Variants in ARHGAP21 observed in about 807,000 individuals in gnomAD.
ARHGAP21 encodes Rho GTPase activating protein 21.
ARHGAP21 carries 38 observed loss-of-function variants against 164.6 expected under a neutral mutation model. That is an observed-to-expected ratio of 0.23 (90% CI 0.18 to 0.30). The LOEUF (loss-of-function observed/expected upper bound fraction) is 0.30. Among genes scored for constraint, ARHGAP21 ranks in the 10% least tolerant of loss-of-function variants. ARHGAP21 has a pLI of 1.00. For missense variants in ARHGAP21, 1,822 were observed against 2,370.7 expected, an observed-to-expected ratio of 0.77 and a Z score of 4.81; for synonymous variants, 766 against 857.9, an observed-to-expected ratio of 0.89 and a Z score of 1.87.
chr10:24,697,967 A>T (rs1843326770), intron 2 of ARHGAP21, among the ~76,000 whole-genome samples: 1 of 152,212 alleles, frequency 6.6e-6, no homozygotes, highest in Non-Finnish European at 1.5e-5. Context: ...TTGGGGGGGA[A>T]ATTCTAAGGC....
chr10:24,633,331 T>C lies in ARHGAP21; in HGVS notation c.440+71A>G, dbSNP rs1251516529. ...CACAATTCCTTGTAAGAATAGAAGA[T>C]TGTATTAAATCTATGTGCTCTATTG... is the stretch of plus-strand genomic sequence containing the variant. On this transcript the variant is annotated intron_variant, in intron 6 of 25. Transcript: ENST00000396432. 37 of 1,060,870 alleles carry C rather than the reference T, an allele frequency of 3.5e-5. No homozygotes were observed. In the East Asian group the frequency reaches 4.2e-4, roughly 12 times the overall value. 65.7% of individuals were successfully genotyped at this position (1,060,870 alleles called of 1,614,324 possible). A position where few individuals can be genotyped will look rare whatever the true frequency, so the allele number is the denominator to read the frequency against.
In ARHGAP21 at chr10:24,619,485, T is replaced by A; in HGVS notation, c.2410A>T (p.Ile804Phe). The A allele has an allele frequency of 6.2e-7, 1 of 1,613,898 alleles. No individual in the cohort carries two copies. The highest frequency in any genetic ancestry group is 8.5e-7 in the Non-Finnish European group (1 of 1,179,922). ...TSPPGDSLAS[I>F]PFIDEPTSPS... ...TAAATGAGCTCACCTATAAATGGGATGGAAGCCAAAGAATCGCCAGGCGGA... is the reference window on the plus strand; with the variant it reads ...TAAATGAGCTCACCTATAAATGGGAAGGAAGCCAAAGAATCGCCAGGCGGA... Residue 804 changes from isoleucine (I) to phenylalanine (F), a missense_variant, in exon 9 of 26, where the codon ATC becomes TTC. This residue lies in a region of ARHGAP21 where 1,090 missense variants were observed against 1,378.9 expected (regional missense o/e 0.79). Coordinates refer to ENST00000396432, the MANE Select transcript of ARHGAP21 (RefSeq NM_020824.4).
chr10:24,650,702 T>C (rs936060081), intron 4 of ARHGAP21, among the ~76,000 whole-genome samples: 1 of 152,234 alleles, frequency 6.6e-6, no homozygotes, highest in Non-Finnish European at 1.5e-5. Context: ...GTGAACTAGC[T>C]GGTTACAGAA....
intron 12 of ARHGAP21, among the ~76,000 whole-genome samples, chr10:24,603,287 TGTTTCA>T (rs1390181010): frequency 6.6e-6 from 1 of 152,116 alleles, no homozygotes; most frequent in African/African-American, 2.4e-5. Flanking sequence ...CAGAAGAAAG[TGTTTCA>T]GGAAGGGAGC....
chr10:24,589,571 T>G (rs541494358), intron 24 of ARHGAP21: 2 of 390,726 alleles, frequency 5.1e-6, no homozygotes, highest in Non-Finnish European at 9.1e-6. Context: ...ACAGAAACAC[T>G]CGTGTTTATT....
chr10:24,689,864 GTGTATATATACATGTA>G (rs1346152028), intron 2 of ARHGAP21, among the ~76,000 whole-genome samples: 2 of 148,092 alleles, frequency 1.4e-5, no homozygotes, highest in Non-Finnish European at 3.0e-5. Flanking sequence ...GTATATGTAT[GTGTATATATACATGTA>G]TATATGTATA....
At chr10:24,685,090 A>G (rs1367819411) in intron 2 of ARHGAP21, among the ~76,000 whole-genome samples, 1 of 152,218 alleles carries the variant, frequency 6.6e-6, no homozygotes, top group African/African-American at 2.4e-5. Flanking sequence ...GTTGCAGTAT[A>G]AAAATGTAAT....
intron 4 of ARHGAP21, among the ~76,000 whole-genome samples, chr10:24,664,018 T>C (rs1308091966): frequency 6.6e-6 from 1 of 152,216 alleles, no homozygotes; most frequent in Non-Finnish European, 1.5e-5. Flanking sequence ...TTAAGCTGAA[T>C]GAGACCTTGG....
chr10:24,593,526 T>A (rs2130800541), intron 21 of ARHGAP21, among the ~76,000 whole-genome samples: 1 of 152,142 alleles, frequency 6.6e-6, no homozygotes, highest in South Asian at 2.1e-4. Flanking sequence ...TTTCAGCTGG[T>A]TCCTACATAA....
At chr10:24,665,803 A>G (rs1176254621) in intron 4 of ARHGAP21, among the ~76,000 whole-genome samples, 1 of 152,240 alleles carries the variant, frequency 6.6e-6, no homozygotes, top group Non-Finnish European at 1.5e-5. Flanking sequence ...AGATAAACTG[A>G]AAATGAAGGA....
At chr10:24,712,636 T>C (rs774542349) in intron 2 of ARHGAP21, among the ~76,000 whole-genome samples, 10 of 152,210 alleles carry the variant, frequency 6.6e-5, no homozygotes, top group Non-Finnish European at 8.8e-5. Flanking sequence ...CCCAATATTT[T>C]TGATCCACAG....
At chr10:24,596,388 A>G (rs1052137780) in intron 17 of ARHGAP21, 24 of 456,404 alleles carry the variant, frequency 5.3e-5, no homozygotes, top group Non-Finnish European at 8.3e-5. Flanking sequence ...GAATCCTAGC[A>G]TGGGTGTTTT....
Position 24,620,120 on chromosome 10 carries a change from G to A in ARHGAP21, c.1775C>T (p.Thr592Ile), listed in dbSNP as rs1337413397. ...QFKKIPPDLK[T>I]LQSNRNFQTT... ...CTGAAAATTTCTGTTTGACTGCAAT[G>A]TTTTTAGATCTGGTGGAATTTTTTT... The change falls in exon 9 of 26, where the codon ACA becomes ATA. Residue 592 changes from threonine to isoleucine, a missense_variant. By Grantham distance (89) the Thr-to-Ile change is moderately conservative. Coordinates refer to ENST00000396432, the MANE Select transcript of ARHGAP21 (RefSeq NM_020824.4). The A allele has an allele frequency of 6.2e-7, 1 of 1,613,942 alleles. No individual in the cohort carries two copies. The highest frequency in any genetic ancestry group is 1.7e-4 in the Middle Eastern group (1 of 6,056).
chr10:24,591,422 G>A, intron 23 of ARHGAP21, 92 bp from the exon 24 acceptor site: 1 of 1,200,342 alleles, frequency 8.3e-7, no homozygotes, highest in Non-Finnish European at 1.2e-6. Flanking sequence ...ACATTACTAA[G>A]TAAAGCACCT....
intron 2 of ARHGAP21, among the ~76,000 whole-genome samples, chr10:24,682,799 C>T (rs1221335834): frequency 3.3e-5 from 5 of 151,314 alleles, no homozygotes; most frequent in African/African-American, 7.3e-5. Flanking sequence ...TGTTTTTCAG[C>T]GGGTATTGAA....
chr10:24,607,992 G>C (rs2077102774), intron 9 of ARHGAP21, 89 bp from the exon 10 acceptor site: 2 of 1,288,702 alleles, frequency 1.6e-6, no homozygotes, highest in Non-Finnish European at 2.1e-6. Flanking sequence ...AAGGGGGTCA[G>C]ATAAGGATTT....
At position 24,634,940 on chromosome 10, in the gene ARHGAP21, G is replaced by A. The variant is rs950070427; in HGVS notation, c.361+71C>T. On this transcript the variant is annotated intron_variant, in intron 5 of 25. Transcript: ENST00000396432. ...GAAAGATACAAAAGGAAAAAATATC[G>A]AACATGAAATATGGAAGAAATAAAG... is the stretch of plus-strand genomic sequence containing the variant. The A allele has an allele frequency of 2.9e-5, 34 of 1,177,760 alleles. 1 individual carries two copies. The highest frequency in any genetic ancestry group is 1.6e-4 in the African/African-American group (10 of 64,028). The allele number at this position is 1,177,760 out of a possible 1,614,324, so 73.0% of individuals were successfully genotyped here. A position where few individuals can be genotyped will look rare whatever the true frequency, so the allele number is the denominator to read the frequency against.
intron 12 of ARHGAP21, 118 bp downstream of exon 12, chr10:24,604,194 A>G: frequency 1.5e-6 from 1 of 684,746 alleles, no homozygotes; most frequent in Non-Finnish European, 2.2e-6. Flanking sequence ...TGTATCAAGT[A>G]TTACATACTT....
chr10:24,687,414 A>T (rs1051366178), intron 2 of ARHGAP21, among the ~76,000 whole-genome samples: 1 of 152,226 alleles, frequency 6.6e-6, no homozygotes, highest in African/African-American at 2.4e-5. Flanking sequence ...ATAGAAAATG[A>T]AGACTTTAAA....
Sources: allele counts gnomAD v4.1 joint callset (sites outside exome capture counted in the v4.1 genomes callset), GRCh38; gene constraint gnomAD v4.1.1; regional missense constraint gnomAD v4.1.1; transcripts MANE v1.5; gene names NCBI Gene and HGNC (gene_info 2026-07-23, HGNC 2026-07-21).